The following TRPV1 variants were observed in gnomAD, a reference collection of about 807,000 sequenced individuals.
The protein encoded by TRPV1 is OTRPC1.
In TRPV1, 82 loss-of-function variants were observed where a neutral mutation model predicts 82.3. That is an observed-to-expected ratio of 1.00 (90% confidence interval 0.83 to 1.20). The LOEUF is 1.20. TRPV1 is among the 50% of genes most tolerant of loss of function. The pLI is 0.00. For synonymous variants in TRPV1, 515 were observed against 467.7 expected, an observed-to-expected ratio of 1.10 and a Z score of -1.30; for missense variants, 1,067 against 1,096.8, an observed-to-expected ratio of 0.97 and a Z score of 0.38.
Position 3,582,441 on chromosome 17 carries a change from C to T in TRPV1, c.1476+897G>A, listed in dbSNP as rs969849175. 7.9e-5 allele frequency among the ~76,000 whole-genome samples: 12 copies of T among 152,064 alleles called. 3 individuals carry two copies. On this transcript the variant is annotated intron_variant, in intron 10 of 16. Transcript: ENST00000572705. ...AAAAACAAAAACAAAAACCAATGAT[C>T]ATCTCAAATTCTACATTCAGACTTT... is the stretch of plus-strand genomic sequence containing the variant.
intron 8 of TRPV1, among the ~76,000 whole-genome samples, chr17:3,587,621 C>T (rs2075100365): frequency 6.6e-6 from 1 of 152,158 alleles, no homozygotes. Flanking sequence ...GAGTTCGAGA[C>T]CACCCTGACC....
At chr17:3,595,248 A>G (rs1567673959) in intron 2 of TRPV1, among the ~76,000 whole-genome samples, 1 of 152,164 alleles carries the variant, frequency 6.6e-6, no homozygotes, top group Non-Finnish European at 1.5e-5. Flanking sequence ...TAAGAGGGAA[A>G]TACTTCACCG....
intron 2 of TRPV1, among the ~76,000 whole-genome samples, chr17:3,605,781 C>T (rs937630474): frequency 2.0e-5 from 3 of 151,866 alleles, no homozygotes; most frequent in African/African-American, 4.8e-5. Context: ...GGAAATTCAA[C>T]GGGGGGCAGT....
At chr17:3,605,624 C>A in intron 2 of TRPV1, among the ~76,000 whole-genome samples, 1 of 152,140 alleles carries the variant, frequency 6.6e-6, no homozygotes, top group East Asian at 1.9e-4. Context: ...GATGGAAACC[C>A]TTGGAGGTTT....
chr17:3,570,178 G>A (rs2074833628), intron 16 of TRPV1, among the ~76,000 whole-genome samples: 1 of 152,096 alleles, frequency 6.6e-6, no homozygotes, highest in South Asian at 2.1e-4. Context: ...GACCAACCTG[G>A]CCAACATGGT....
chr17:3,598,207 C>T (rs540939240), intron 2 of TRPV1, among the ~76,000 whole-genome samples: 184 of 152,300 alleles, frequency 1.2e-3, no homozygotes, highest in Non-Finnish European at 1.9e-3. Context: ...GCCAACAAGC[C>T]GTAGGGCAGG....
chr17:3,592,319 GC>G lies in TRPV1; in HGVS notation c.31del (p.Ala11GlnfsTer150), dbSNP rs1597545879. On this transcript the variant is annotated frameshift_variant, in exon 3 of 17. Coordinates refer to ENST00000572705, the MANE Select transcript of TRPV1 (RefSeq NM_080704.4). LOFTEE classifies it high-confidence loss of function. MKKWSSTDLGAAADPLQKDTC... is the reference protein window; with the variant it reads MKKWSSTDLGXAADPLQKDTC... ...GTCCTTTTGGAGTGGGTCCGCAGCT[GC>G]CCCCAAGTCTGTGCTGCTCCATTTC... is the stretch of plus-strand genomic sequence containing the variant. 2.5e-6 allele frequency: 4 copies of G among 1,597,894 alleles called. No homozygotes were observed. Among genetic ancestry groups the G allele is most frequent in the Non-Finnish European group, 3.4e-6 (4 of 1,171,950 alleles).
rs1357194535 is a variant in TRPV1, at chr17:3,576,666, A to ATAT, written c.1780+459_1780+460insATA. ...GACTCTGTATGAGAAAAAAAAAAAAAAAATATATATATATATATATATATG... is the reference window on the plus strand; with the variant it reads ...GACTCTGTATGAGAAAAAAAAAAAAATATAAATATATATATATATATATATATG... On this transcript the variant is annotated intron_variant, in intron 13 of 16. Coordinates refer to ENST00000572705, the MANE Select transcript of TRPV1 (RefSeq NM_080704.4). Among the ~76,000 whole-genome samples the ATAT allele has an allele frequency of 9.2e-4, 35 of 37,890 alleles. No individual in the cohort carries two copies. In the East Asian group the frequency reaches 0.018, roughly 20 times the overall value. 24.9% of individuals were successfully genotyped at this position (37,890 alleles called of 152,430 possible). A position where few individuals can be genotyped will look rare whatever the true frequency, so the allele number is the denominator to read the frequency against.
At chr17:3,591,952 A>C in intron 3 of TRPV1, 115 bp downstream of exon 3, 1 of 1,417,174 alleles carries the variant, frequency 7.1e-7, no homozygotes, top group Non-Finnish European at 9.3e-7. Flanking sequence ...ACCACCCCTA[A>C]GGCTCTCCAG....
In TRPV1 at chr17:3,573,699, G is replaced by A. The variant is rs951719522; in HGVS notation, c.2037C>T (p.Leu679=). ...TGACAGTCTCACCCATGAGGGCGAT[G>A]AGCATGTTGAGCAGGAGGATGTAGG... ...ILTYILLLNM[L]IALMGETVNK... is the part of the protein sequence containing the mutation. The change falls in exon 14 of 17, where the codon CTC becomes CTT. Residue 679 remains leucine, a synonymous_variant. Transcript: ENST00000572705. 8.7e-6 allele frequency: 14 copies of A among 1,613,994 alleles called. No homozygotes were observed. Among genetic ancestry groups the A allele is most frequent in the Non-Finnish European group, 6.8e-6 (8 of 1,180,026 alleles).
intron 7 of TRPV1, among the ~76,000 whole-genome samples, 195 bp downstream of exon 7, chr17:3,589,612 C>T (rs1458923684): frequency 6.6e-6 from 1 of 152,174 alleles, no homozygotes; most frequent in Non-Finnish European, 1.5e-5. Context: ...CAAAATGGCA[C>T]GTTGGCCATT....
chr17:3,582,213 A>AAAAAAAAAAAAAAAG (rs1160641204), intron 10 of TRPV1, among the ~76,000 whole-genome samples: 2 of 147,832 alleles, frequency 1.4e-5, no homozygotes, highest in Non-Finnish European at 3.0e-5. Flanking sequence ...AAAAAAAAAA[A>AAAAAAAAAAAAAAAG]ATCACAGTGG....
In TRPV1 at chr17:3,577,166, G is replaced by GA. The variant is rs771110693; in HGVS notation, c.1739dup (p.Met581HisfsTer20). ...ACAAGAAGACGATGTAGACAAACAT[G>GA]AAACGGCACAGGTCTCTCAGGATCA... is the stretch of plus-strand genomic sequence containing the variant. On this transcript the variant is annotated frameshift_variant, in exon 13 of 17. Transcript: ENST00000572705. LOFTEE classifies it high-confidence loss of function. The GA allele has an allele frequency of 2.5e-6, 4 of 1,586,954 alleles. No individual in the cohort carries two copies. Among genetic ancestry groups the GA allele is most frequent in the Admixed American group, 3.6e-5 (2 of 55,616 alleles).
At chr17:3,572,602 A>G (rs1453102305) in intron 14 of TRPV1, among the ~76,000 whole-genome samples, 1 of 152,220 alleles carries the variant, frequency 6.6e-6, no homozygotes, top group East Asian at 1.9e-4. Context: ...TGCCTGGGCC[A>G]GGTCCTGGCT....
At chr17:3,606,867 C>A (rs555007409) in intron 2 of TRPV1, among the ~76,000 whole-genome samples, 1 of 152,176 alleles carries the variant, frequency 6.6e-6, no homozygotes, top group Non-Finnish European at 1.5e-5. Context: ...CCGTTCCTAA[C>A]CTTACATTTG....
intron 9 of TRPV1, among the ~76,000 whole-genome samples, chr17:3,584,688 C>T (rs968151761): frequency 3.3e-5 from 5 of 150,514 alleles, no homozygotes; most frequent in Admixed American, 6.6e-5. Context: ...CCCAGCTATT[C>T]GGGAGGCCGA....
intron 16 of TRPV1, among the ~76,000 whole-genome samples, chr17:3,570,695 A>G (rs1212580862): frequency 6.6e-6 from 1 of 152,026 alleles, no homozygotes; most frequent in Non-Finnish European, 1.5e-5. Context: ...TTCTGGTAGT[A>G]ATTTTTCTCA....
intron 16 of TRPV1, among the ~76,000 whole-genome samples, chr17:3,569,901 T>TAGGGGCC (rs1221432206): frequency 1.5e-5 from 2 of 136,286 alleles, no homozygotes; most frequent in African/African-American, 2.7e-5. Context: ...GCCAAGGGGT[T>TAGGGGCC]AGGGGCCAGG....
chr17:3,573,684 AC>A lies in TRPV1; in HGVS notation c.2051del (p.Gly684ValfsTer34). ...CCTGTGCGATCTTGTTGACAGTCTC[AC>A]CCATGAGGGCGATGAGCATGTTGAG... ...LLLNMLIALMGETVNKIAQES... is the reference protein window; with the variant it reads ...LLLNMLIALMXETVNKIAQES... On this transcript the variant is annotated frameshift_variant, in exon 14 of 17. Transcript: ENST00000572705. LOFTEE classifies it high-confidence loss of function. The A allele has an allele frequency of 6.2e-7, 1 of 1,613,950 alleles. No individual in the cohort carries two copies. Among genetic ancestry groups the A allele is most frequent in the Non-Finnish European group, 8.5e-7 (1 of 1,179,978 alleles).
Sources: gnomAD v4.1 joint callset for allele counts (sites outside exome capture counted in the v4.1 genomes callset) on GRCh38, gnomAD v4.1.1 for gene constraint, MANE v1.5 for transcripts, NCBI Gene and HGNC (gene_info 2026-07-23, HGNC 2026-07-21) for gene names.